Variants in RORB observed in about 807,000 individuals in gnomAD.
RORB encodes the protein nuclear receptor ROR-beta.
A neutral mutation model predicts 59.1 loss-of-function variants in RORB; 6 were observed. The observed-to-expected ratio is 0.10, with a 90% CI of 0.06 to 0.20. RORB has a LOEUF of 0.20. Ranked by LOEUF, RORB falls within the 10% of genes least tolerant of loss-of-function variation. The pLI, the probability that RORB is intolerant of heterozygous loss-of-function variation, is 1.00. For synonymous variants in RORB, 215 were observed against 204.5 expected (o/e 1.05, Z -0.44); for missense variants, 320 against 560.5 (o/e 0.57, Z 4.33).
At chr9:74,684,226 C>T (rs941725034) in intron 9 of RORB, among the ~76,000 whole-genome samples, 1 of 152,252 alleles carries the variant, frequency 6.6e-6, no homozygotes, top group Admixed American at 6.5e-5. Context: ...GTGGAAGTTT[C>T]TGATTTTGAA....
At chr9:74,564,790 A>G (rs1822445579) in intron 1 of RORB, among the ~76,000 whole-genome samples, 1 of 152,254 alleles carries the variant, frequency 6.6e-6, no homozygotes, top group African/African-American at 2.4e-5. Context: ...AGACTAGGAG[A>G]AAGCACTGAC....
chr9:74,626,771 A>G (rs1823524806), intron 1 of RORB, among the ~76,000 whole-genome samples: 2 of 152,250 alleles, frequency 1.3e-5, no homozygotes, highest in Admixed American at 1.3e-4. Context: ...TGCCTGTTAT[A>G]GTGGCAAGAT....
chr9:74,641,069 A>G (rs1046638198), intron 3 of RORB, among the ~76,000 whole-genome samples: 1 of 152,218 alleles, frequency 6.6e-6, no homozygotes, highest in East Asian at 1.9e-4. Context: ...AGCTCCTAAC[A>G]CCAAGAGGTG....
chr9:74,530,162 T>G (rs1330811813), intron 1 of RORB, among the ~76,000 whole-genome samples: 2 of 152,042 alleles, frequency 1.3e-5, no homozygotes, highest in African/African-American at 2.4e-5. Context: ...AAGCAAAATA[T>G]TTTCCAAGTG....
Position 74,638,732 on chromosome 9 carries a change from C to T in RORB, c.236-3682C>T, listed in dbSNP as rs147065192. The stretch of plus-strand genomic sequence containing the variant: ...AGAAAGTCAGTAGGTTTATTTTTGC[C>T]ATGTACTGTAATTTTTTTCCCAAAT... On this transcript the variant is annotated intron_variant, in intron 3 of 9. Transcript: ENST00000376896. Among the ~76,000 whole-genome samples, 24 of 152,212 alleles carry T rather than the reference C, an allele frequency of 1.6e-4. No homozygotes were observed. In the East Asian group the frequency reaches 4.6e-3, roughly 29 times the overall value.
intron 1 of RORB, among the ~76,000 whole-genome samples, chr9:74,542,822 G>A (rs1305589392): frequency 1.3e-5 from 2 of 152,124 alleles, no homozygotes; most frequent in African/African-American, 4.8e-5. Flanking sequence ...AGGTAGTGGG[G>A]TATTGTGGAA....
chr9:74,622,601 A>T (rs1823442213), intron 1 of RORB, among the ~76,000 whole-genome samples: 1 of 133,452 alleles, frequency 7.5e-6, no homozygotes, highest in Non-Finnish European at 1.5e-5. Context: ...ATCTCAGCTC[A>T]CTGCAACCTC....
At chr9:74,542,908 C>CTTA (rs1482047042) in intron 1 of RORB, among the ~76,000 whole-genome samples, 1 of 152,162 alleles carries the variant, frequency 6.6e-6, no homozygotes, top group Admixed American at 6.5e-5. Context: ...AGGCAACGTA[C>CTTA]TTAAGCCTTC....
At chr9:74,644,184 T>C (rs1021345873) in intron 4 of RORB, among the ~76,000 whole-genome samples, 2 of 152,168 alleles carry the variant, frequency 1.3e-5, no homozygotes, top group African/African-American at 4.8e-5. Flanking sequence ...GAAGAAGCAA[T>C]GTTACACAGT....
chr9:74,637,317 T>C (rs574976505), intron 3 of RORB, among the ~76,000 whole-genome samples: 8 of 152,242 alleles, frequency 5.3e-5, no homozygotes, highest in Non-Finnish European at 1.2e-4. Flanking sequence ...TTAAAATAAC[T>C]GTTGAAAACA....
chr9:74,599,687 A>G (rs932962155), intron 1 of RORB, among the ~76,000 whole-genome samples: 11 of 152,192 alleles, frequency 7.2e-5, no homozygotes, highest in African/African-American at 2.7e-4. Flanking sequence ...ATAATTAGCT[A>G]CATTGAGGAG....
At chr9:74,595,180 C>A (rs757316708) in intron 1 of RORB, among the ~76,000 whole-genome samples, 1 of 152,108 alleles carries the variant, frequency 6.6e-6, no homozygotes, top group Non-Finnish European at 1.5e-5. Context: ...GCCTACAAAC[C>A]GAGACCAATC....
chr9:74,502,056 A>G (rs779181737), intron 1 of RORB, among the ~76,000 whole-genome samples: 3 of 152,164 alleles, frequency 2.0e-5, no homozygotes, highest in Non-Finnish European at 4.4e-5. Flanking sequence ...ATAAATAAAA[A>G]CATTATTTTA....
chr9:74,601,926 A>G (rs1363149026), intron 1 of RORB, among the ~76,000 whole-genome samples: 1 of 152,228 alleles, frequency 6.6e-6, no homozygotes, highest in Non-Finnish European at 1.5e-5. Context: ...CATTGGCTAC[A>G]GTGACAAGGA....
intron 1 of RORB, among the ~76,000 whole-genome samples, chr9:74,542,270 C>T (rs1232947577): frequency 6.6e-6 from 1 of 152,104 alleles, no homozygotes; most frequent in Non-Finnish European, 1.5e-5. Flanking sequence ...TAGTATGCTT[C>T]CTGTGATTCA....
intron 1 of RORB, among the ~76,000 whole-genome samples, chr9:74,596,078 T>G (rs1822966536): frequency 6.6e-6 from 1 of 152,184 alleles, no homozygotes; most frequent in Non-Finnish European, 1.5e-5. Flanking sequence ...TTCTTCTAAT[T>G]CACTCTTATT....
chr9:74,675,330 T>C (rs530820020), intron 9 of RORB, among the ~76,000 whole-genome samples: 9 of 150,258 alleles, frequency 6.0e-5, no homozygotes, highest in African/African-American at 2.2e-4. Flanking sequence ...TATATATATA[T>C]ATAAAATAAA....
chr9:74,575,990 G>T (rs1304306159), intron 1 of RORB, among the ~76,000 whole-genome samples: 1 of 152,040 alleles, frequency 6.6e-6, no homozygotes, highest in Non-Finnish European at 1.5e-5. Flanking sequence ...CTTCTTCAAG[G>T]TCCCTCGAAG....
intron 1 of RORB, among the ~76,000 whole-genome samples, chr9:74,524,003 C>CTTTTT (rs10666385): frequency 2.4e-5 from 3 of 124,282 alleles, no homozygotes; most frequent in South Asian, 2.7e-4. Context: ...TCAACGACAC[C>CTTTTT]TTTTTTTTTT....
Sources: allele counts gnomAD v4.1 joint callset (sites outside exome capture counted in the v4.1 genomes callset), GRCh38; gene constraint gnomAD v4.1.1; transcripts MANE v1.5; gene names NCBI Gene and HGNC (gene_info 2026-07-23, HGNC 2026-07-21).